CSGALNACT1: variants seen among roughly 807,000 people sequenced by gnomAD.
CSGALNACT1 encodes chondroitin sulfate N-acetylgalactosaminyltransferase 1.
In CSGALNACT1, 52 loss-of-function variants were observed where a neutral mutation model predicts 51.0. The ratio of observed to expected loss-of-function variants is 1.02; its 90% CI spans 0.82 to 1.29. The LOEUF is 1.29. CSGALNACT1 is among the 50% of genes most tolerant of loss of function. CSGALNACT1 has a pLI of 0.00. For synonymous variants in CSGALNACT1, 341 were observed against 254.4 expected (o/e 1.34, Z -3.24); for missense variants, 935 against 679.2 (o/e 1.38, Z -4.19).
At chr8:19,714,318 A>G (rs1006132092) in intron 1 of CSGALNACT1, among the ~76,000 whole-genome samples, 1 of 146,492 alleles carries the variant, frequency 6.8e-6, no homozygotes, top group African/African-American at 2.5e-5. Flanking sequence ...CTGTTGGAGT[A>G]TAACATACCT....
intron 3 of CSGALNACT1, among the ~76,000 whole-genome samples, chr8:19,520,580 G>C (rs367855350): frequency 6.6e-6 from 1 of 152,314 alleles, no homozygotes; most frequent in East Asian, 1.9e-4. Context: ...AGAAATGTAC[G>C]CACAGTAGAA....
At chr8:19,498,753 A>G (rs753810188) in intron 4 of CSGALNACT1, among the ~76,000 whole-genome samples, 1 of 152,144 alleles carries the variant, frequency 6.6e-6, no homozygotes, top group Admixed American at 6.5e-5. Flanking sequence ...TAACATCACA[A>G]ATTTTCTCTC....
intron 1 of CSGALNACT1, among the ~76,000 whole-genome samples, chr8:19,634,427 C>G (rs761589881): frequency 6.6e-6 from 1 of 151,814 alleles, no homozygotes; most frequent in Non-Finnish European, 1.5e-5. Context: ...AGAGAGAGGC[C>G]GAGGCAAGAG....
intron 4 of CSGALNACT1, among the ~76,000 whole-genome samples, chr8:19,461,265 G>A (rs144066329): frequency 6.6e-6 from 1 of 152,212 alleles, no homozygotes; most frequent in African/African-American, 2.4e-5. Context: ...TTCAAAGACG[G>A]TTCATTCCTT....
At chr8:19,486,773 T>C (rs572646298) in intron 4 of CSGALNACT1, among the ~76,000 whole-genome samples, 1 of 152,298 alleles carries the variant, frequency 6.6e-6, no homozygotes, top group South Asian at 2.1e-4. Flanking sequence ...TACTCAGCTA[T>C]GGAATTTGCT....
At chr8:19,656,867 A>G (rs2058327121) in intron 1 of CSGALNACT1, among the ~76,000 whole-genome samples, 1 of 152,058 alleles carries the variant, frequency 6.6e-6, no homozygotes, top group African/African-American at 2.4e-5. Flanking sequence ...GGAGTTCCAG[A>G]CCAGCCTGGC....
chr8:19,641,797 C>T (rs1275118966), intron 1 of CSGALNACT1: 1 of 152,138 alleles, frequency 6.6e-6, no homozygotes, highest in African/African-American at 2.4e-5. Context: ...CAGGTGACCC[C>T]CAAATGCCTT....
intron 4 of CSGALNACT1, among the ~76,000 whole-genome samples, chr8:19,485,758 GCTT>G (rs2072732890): frequency 8.5e-5 from 2 of 23,444 alleles, no homozygotes; most frequent in South Asian, 1.6e-3. Context: ...ACCTCAGCTT[GCTT>G]TTTTTTTTTT....
At chr8:19,734,842 G>A (rs1589754058) in intron 1 of CSGALNACT1, among the ~76,000 whole-genome samples, 1 of 151,978 alleles carries the variant, frequency 6.6e-6, no homozygotes, top group East Asian at 1.9e-4. Flanking sequence ...ATGTATATAT[G>A]TGTGTATGTA....
intron 3 of CSGALNACT1, among the ~76,000 whole-genome samples, chr8:19,532,193 T>C (rs113757969): frequency 1.3e-5 from 2 of 152,204 alleles, no homozygotes; most frequent in South Asian, 4.1e-4. Flanking sequence ...ACATGTTTGT[T>C]TGCACATTAT....
intron 4 of CSGALNACT1, among the ~76,000 whole-genome samples, chr8:19,464,237 A>G (rs2066175308): frequency 1.3e-5 from 2 of 152,136 alleles, no homozygotes; most frequent in South Asian, 2.1e-4. Context: ...TCCCAGCTGG[A>G]TAACAAGAAG....
chr8:19,712,246 C>T (rs1395757548), intron 1 of CSGALNACT1, among the ~76,000 whole-genome samples: 13 of 152,014 alleles, frequency 8.6e-5, no homozygotes, highest in African/African-American at 1.2e-4. Context: ...AGGATGGTCT[C>T]GATCTCCTGA....
intron 1 of CSGALNACT1, among the ~76,000 whole-genome samples, chr8:19,702,550 A>G (rs1229663067): frequency 6.6e-6 from 1 of 151,994 alleles, no homozygotes. Flanking sequence ...AAATTCTTCA[A>G]CCTGCATCTG....
chr8:19,416,146 G>A (rs1224225119), intron 8 of CSGALNACT1, among the ~76,000 whole-genome samples: 1 of 120,298 alleles, frequency 8.3e-6, no homozygotes, highest in Non-Finnish European at 1.6e-5. Context: ...ACAGAGTCTT[G>A]CTCTGTTGCC....
chr8:19,478,456 C>T (rs1312481806), intron 4 of CSGALNACT1, among the ~76,000 whole-genome samples: 1 of 151,396 alleles, frequency 6.6e-6, no homozygotes, highest in Non-Finnish European at 1.5e-5. Flanking sequence ...ATGTCTGGGT[C>T]CCACTCCCAG....
intron 1 of CSGALNACT1, among the ~76,000 whole-genome samples, chr8:19,609,384 G>A (rs2051863690): frequency 6.7e-6 from 1 of 148,194 alleles, no homozygotes; most frequent in Non-Finnish European, 1.5e-5. Context: ...AATATAGATG[G>A]GAAACACAGA....
chr8:19,620,351 T>C (rs1297628253), intron 1 of CSGALNACT1, among the ~76,000 whole-genome samples: 1 of 148,506 alleles, frequency 6.7e-6, no homozygotes, highest in African/African-American at 2.5e-5. Flanking sequence ...TGCGAAATAC[T>C]GTGTCTGACC....
At chr8:19,404,678 T>G (rs2053814855) in exon 10 of CSGALNACT1, 3 of 454,238 alleles carry the variant, frequency 6.6e-6, no homozygotes, top group Non-Finnish European at 1.3e-5. Flanking sequence ...CACCCTGTTT[T>G]GAAAAGAGAT....
intron 1 of CSGALNACT1, among the ~76,000 whole-genome samples, chr8:19,715,015 A>G (rs2062723308): frequency 1.3e-5 from 2 of 152,172 alleles, no homozygotes; most frequent in African/African-American, 4.8e-5. Context: ...TGATAAAGAC[A>G]TACCTAAGAC....
Sources: gnomAD v4.1 joint callset for allele counts (sites outside exome capture counted in the v4.1 genomes callset) on GRCh38, gnomAD v4.1.1 for gene constraint, MANE v1.5 for transcripts, NCBI Gene and HGNC (gene_info 2026-07-23, HGNC 2026-07-21) for gene names.